Variants in CENPT observed in about 807,000 individuals in gnomAD.
The protein encoded by CENPT is interphase centromere complex protein 22.
In CENPT, 42 loss-of-function variants were observed where a neutral mutation model predicts 59.7. The observed-to-expected ratio is 0.70, with a 90% CI of 0.55 to 0.91. The LOEUF (loss-of-function observed/expected upper bound fraction) is 0.91. CENPT is among the 40% of genes least tolerant of loss of function. CENPT has a pLI of 0.00. For synonymous variants in CENPT, 295 were observed against 289.6 expected (o/e 1.02, Z -0.19); for missense variants, 716 against 713.4 (o/e 1.00, Z -0.04).
At chr16:67,839,080 A>G (rs922768263) in intron 1 of CENPT, among the ~76,000 whole-genome samples, 7 of 151,584 alleles carry the variant, frequency 4.6e-5, no homozygotes, top group African/African-American at 1.7e-4. Context: ...TTGAAACTCC[A>G]TCTCTTCTAA....
At chr16:67,845,103 A>C (rs1239406160) in intron 1 of CENPT, among the ~76,000 whole-genome samples, 4 of 152,030 alleles carry the variant, frequency 2.6e-5, no homozygotes, top group Non-Finnish European at 5.9e-5. Context: ...TTTTTCTTAG[A>C]TTGAATATTG....
At chr16:67,841,431 T>A (rs1365239683) in intron 1 of CENPT, 5 of 152,196 alleles carry the variant, frequency 3.3e-5, no homozygotes, top group Admixed American at 6.5e-5. Context: ...TTCTGCCATG[T>A]GGCCTTACAG....
In CENPT at chr16:67,842,523, C is replaced by CGGTGG. The variant is rs2057769049; in HGVS notation, c.-492+4873_-492+4877dup. On this transcript the variant is annotated intron_variant, in intron 1 of 15. Transcript: ENST00000562787. The surrounding 1 kb of genome is among the most constrained non-coding windows in gnomAD (Gnocchi z 4.9). ...TGGGCCGTCGAAGAGCGCAGGAGGCCGGTGGGCCGGGCCGGGCCGCGCGGC... is the reference window on the plus strand; with the variant it reads ...TGGGCCGTCGAAGAGCGCAGGAGGCCGGTGGGGTGGGCCGGGCCGGGCCGCGCGGC... The CGGTGG allele has an allele frequency of 1.4e-6, 2 of 1,473,394 alleles. No individual in the cohort carries two copies. The highest frequency in any genetic ancestry group is 1.4e-5 in the African/African-American group (1 of 70,904). The allele number at this position is 1,473,394 out of a possible 1,614,324, so 91.3% of individuals were successfully genotyped here.
intron 1 of CENPT, among the ~76,000 whole-genome samples, chr16:67,838,852 G>A (rs546903006): frequency 4.6e-5 from 7 of 151,166 alleles, no homozygotes; most frequent in Non-Finnish European, 8.9e-5. Flanking sequence ...GTGTGAACTC[G>A]GGAGGCAGAG....
intron 13 of CENPT, chr16:67,829,205 C>G: frequency 1.9e-6 from 1 of 524,546 alleles, no homozygotes; most frequent in Non-Finnish European, 3.3e-6. Flanking sequence ...GACTACAAAC[C>G]AACCACATAC....
At chr16:67,846,150 T>A (rs965737734) in intron 1 of CENPT, among the ~76,000 whole-genome samples, 6 of 152,278 alleles carry the variant, frequency 3.9e-5, no homozygotes, top group Non-Finnish European at 5.9e-5. Context: ...GGAAGAGAAC[T>A]ATTTACAATC....
At chr16:67,834,416 T>A (rs2057722145) in intron 3 of CENPT, among the ~76,000 whole-genome samples, 1 of 152,146 alleles carries the variant, frequency 6.6e-6, no homozygotes, top group Admixed American at 6.6e-5. Flanking sequence ...GAGAGCAGCC[T>A]GGGCAACACA....
rs763359050 is a variant in CENPT, at chr16:67,843,726, C to T, written c.-492+3675G>A. 12 of 504,432 alleles carry T rather than the reference C, an allele frequency of 2.4e-5. No homozygotes were observed. Among genetic ancestry groups the T allele is most frequent in the Non-Finnish European group, 4.3e-5 (12 of 277,308 alleles). 31.2% of individuals were successfully genotyped at this position (504,432 alleles called of 1,614,324 possible). A position where few individuals can be genotyped will look rare whatever the true frequency, so the allele number is the denominator to read the frequency against. On this transcript the variant is annotated intron_variant, in intron 1 of 15. Coordinates refer to ENST00000562787, the MANE Select transcript of CENPT (RefSeq NM_025082.4). The surrounding 1 kb of genome is among the most constrained non-coding windows in gnomAD (Gnocchi z 5.7). ...CACCAGCAATTATGACTTTGTCTAC[C>T]CTTCCTCCCCAGTTATTGTTGCAGA... is the stretch of plus-strand genomic sequence containing the variant.
At chr16:67,845,246 C>G (rs1343523156) in intron 1 of CENPT, among the ~76,000 whole-genome samples, 1 of 152,158 alleles carries the variant, frequency 6.6e-6, no homozygotes, top group Non-Finnish European at 1.5e-5. Flanking sequence ...CTTTCAGACC[C>G]CATAAAATAT....
intron 3 of CENPT, among the ~76,000 whole-genome samples, chr16:67,834,426 A>G (rs1262656969): frequency 1.3e-5 from 2 of 152,130 alleles, no homozygotes; most frequent in East Asian, 3.9e-4. Flanking sequence ...TGGGCAACAC[A>G]GTGAGACCCC....
chr16:67,843,534 C>G lies in CENPT; in HGVS notation c.-492+3867G>C, dbSNP rs781289430. 1 of 1,578,294 alleles carries G rather than the reference C, an allele frequency of 6.3e-7. No homozygotes were observed. Among genetic ancestry groups the G allele is most frequent in the South Asian group, 1.2e-5 (1 of 83,958 alleles). On this transcript the variant is annotated intron_variant, in intron 1 of 15. Transcript: ENST00000562787. This position sits in a 1 kb window ranked among gnomAD's most constrained non-coding sequence, Gnocchi z 5.7. The stretch of plus-strand genomic sequence containing the variant: ...CCGGCAGCCTGCTGGACTCCCAGAC[C>G]CCATCCAGCCAGGGGACCGCAGGCC...
intron 1 of CENPT, among the ~76,000 whole-genome samples, chr16:67,841,034 T>C (rs2057757860): frequency 7.2e-6 from 1 of 139,424 alleles, no homozygotes; most frequent in Non-Finnish European, 1.5e-5. Context: ...TATATATATA[T>C]ATATATATAT....
Position 67,843,024 on chromosome 16 carries a change from T to C in CENPT, c.-492+4377A>G. 1 of 1,612,630 alleles carries C rather than the reference T, an allele frequency of 6.2e-7. No homozygotes were observed. The highest frequency in any genetic ancestry group is 8.5e-7 in the Non-Finnish European group (1 of 1,180,026). On this transcript the variant is annotated intron_variant, in intron 1 of 15. Coordinates refer to ENST00000562787, the MANE Select transcript of CENPT (RefSeq NM_025082.4). This position sits in a 1 kb window ranked among gnomAD's most constrained non-coding sequence, Gnocchi z 5.7. ...CTGGTATCTGCTTCCGCGGCCGTGC[T>C]TCTCACCCTTCAGGCCACTGTAGAC... is the stretch of plus-strand genomic sequence containing the variant.
intron 13 of CENPT, 48 bp downstream of exon 13, chr16:67,829,375 T>A (rs764707963): frequency 1.4e-6 from 2 of 1,457,732 alleles, no homozygotes; most frequent in Non-Finnish European, 1.9e-6. Context: ...GCATACCCAA[T>A]GCTCCCTTCC....
At chr16:67,840,727 G>GA (rs1418008845) in intron 1 of CENPT, among the ~76,000 whole-genome samples, 1 of 151,776 alleles carries the variant, frequency 6.6e-6, no homozygotes, top group Non-Finnish European at 1.5e-5. Flanking sequence ...ACGTACCCCC[G>GA]AACCTAAAGT....
At chr16:67,841,015 A>ATATATATATATATATATATATATATG (rs2057757679) in intron 1 of CENPT, among the ~76,000 whole-genome samples, 1 of 3,900 alleles carries the variant, frequency 2.6e-4, no homozygotes, top group African/African-American at 6.0e-4. Context: ...AAATACATAT[A>ATATATATATATATATATATATATATG]TATATATATA....
rs766790991 is a variant in CENPT, at chr16:67,842,851, C to T, written c.-492+4550G>A. 23 of 1,606,924 alleles carry T rather than the reference C, an allele frequency of 1.4e-5. No individual in the cohort carries two copies. The highest frequency in any genetic ancestry group is 1.9e-5 in the Non-Finnish European group (22 of 1,178,620). On this transcript the variant is annotated intron_variant, in intron 1 of 15. Transcript: ENST00000562787. The surrounding 1 kb of genome is among the most constrained non-coding windows in gnomAD (Gnocchi z 4.9). ...CGCGCAGACCCGCTGGGGCCGCGGC[C>T]GCCCGCCGCAGGCAGCAGCAGCAAC... is the stretch of plus-strand genomic sequence containing the variant.
At chr16:67,835,149 T>C (rs899332339) in intron 3 of CENPT, 23 bp downstream of exon 3, 2 of 152,040 alleles carry the variant, frequency 1.3e-5, no homozygotes, top group Non-Finnish European at 2.9e-5. Context: ...CCATTAAAAA[T>C]TTTTAATGCT....
chr16:67,837,798 TA>T (rs1396412912), intron 1 of CENPT, among the ~76,000 whole-genome samples: 3 of 152,174 alleles, frequency 2.0e-5, no homozygotes, highest in Non-Finnish European at 2.9e-5. Context: ...ATTACTTGTT[TA>T]AAAAAAATAC....
Sources: gnomAD v4.1 joint callset for allele counts (sites outside exome capture counted in the v4.1 genomes callset) on GRCh38, gnomAD v4.1.1 for gene constraint, Gnocchi (gnomAD v3.1) non-coding constraint, MANE v1.5 for transcripts, NCBI Gene and HGNC (gene_info 2026-07-23, HGNC 2026-07-21) for gene names.